SLC4A5: variants seen among roughly 807,000 people sequenced by gnomAD.
The protein encoded by SLC4A5 is solute carrier family 4 member 5, also known as electrogenic sodium bicarbonate cotransporter 4.
Under a neutral mutation model 120.4 loss-of-function variants are expected in SLC4A5, and 96 were observed. The observed-to-expected ratio is 0.80, with a 90% CI of 0.68 to 0.94. The LOEUF (loss-of-function observed/expected upper bound fraction) is 0.94. Among genes scored for constraint, SLC4A5 ranks in the 40% least tolerant of loss-of-function variants. The pLI is 0.00. For synonymous variants in SLC4A5, 550 were observed against 571.1 expected, an observed-to-expected ratio of 0.96 and a Z score of 0.53; for missense variants, 1,259 against 1,459.5, an observed-to-expected ratio of 0.86 and a Z score of 2.24.
rs774865142 is a variant in SLC4A5 at position 74,258,739 on chromosome 2, G to C, written c.867+849C>G. Among the ~76,000 whole-genome samples, 49 of 152,242 alleles carry C rather than the reference G, an allele frequency of 3.2e-4. 1 individual carries two copies. Among genetic ancestry groups the C allele is most frequent in the Non-Finnish European group, 2.6e-4 (18 of 68,040 alleles). ...CACAGAAAATGCCTGGCACAGTGTA[G>C]TGCATGTGGTGTGGAGCTTAAATAT... On this transcript the variant is annotated intron_variant, in intron 12 of 30. Coordinates refer to ENST00000394019, the Ensembl canonical transcript of SLC4A5.
intron 7 of SLC4A5, among the ~76,000 whole-genome samples, chr2:74,287,427 C>G (rs1486794980): frequency 6.6e-6 from 1 of 152,126 alleles, no homozygotes; most frequent in Non-Finnish European, 1.5e-5. Flanking sequence ...CACAAGCGAA[C>G]TCAGTTGAGT....
rs58141033 is a variant in SLC4A5 at position 74,219,176 on chromosome 2, G to GGTGTGTGT, written c.*34-392_*34-385dup. Among the ~76,000 whole-genome samples the GGTGTGTGT allele has an allele frequency of 1.1e-3, 145 of 134,304 alleles. No individual in the cohort carries two copies. In the East Asian group the frequency reaches 0.015, roughly 14 times the overall value. 88.1% of individuals were successfully genotyped at this position (134,304 alleles called of 152,430 possible). A position where few individuals can be genotyped will look rare whatever the true frequency, so the allele number is the denominator to read the frequency against. ...ATTGCAGTGTTCTTTGCTCTTTGGA[G>GGTGTGTGT]GTGTGTGTGTGTGTGTGTGTGTGTG... On this transcript the variant is annotated intron_variant, in intron 30 of 30. Coordinates refer to ENST00000394019, the Ensembl canonical transcript of SLC4A5.
intron 8 of SLC4A5, 136 bp downstream of exon 8, chr2:74,285,637 A>C: frequency 1.0e-6 from 1 of 982,836 alleles, no homozygotes; most frequent in Non-Finnish European, 1.5e-6. Context: ...CTGGACACCA[A>C]GGAAGGCAGC....
intron 30 of SLC4A5, among the ~76,000 whole-genome samples, chr2:74,219,802 C>T (rs1694566281): frequency 6.6e-6 from 1 of 152,128 alleles, no homozygotes; most frequent in African/African-American, 2.4e-5. Flanking sequence ...AGATCAATGG[C>T]ATCACATATA....
At chr2:74,295,926 C>A (rs1448609287) in intron 7 of SLC4A5, among the ~76,000 whole-genome samples, 1 of 152,188 alleles carries the variant, frequency 6.6e-6, no homozygotes, top group East Asian at 1.9e-4. Context: ...AATTCACAGA[C>A]ATTTAAGCAA....
intron 21 of SLC4A5, among the ~76,000 whole-genome samples, chr2:74,238,488 C>T (rs566613287): frequency 6.6e-6 from 1 of 151,942 alleles, no homozygotes; most frequent in Non-Finnish European, 1.5e-5. Flanking sequence ...TTATAAGCTA[C>T]AGAAATGAAG....
intron 7 of SLC4A5, among the ~76,000 whole-genome samples, chr2:74,293,873 A>G (rs572789356): frequency 9.9e-5 from 15 of 152,272 alleles, no homozygotes; most frequent in South Asian, 2.1e-4. Context: ...CTTGAAAACC[A>G]TAAGTGTAAA....
intron 29 of SLC4A5, 86 bp downstream of exon 29, chr2:74,222,782 C>A (rs986776472): frequency 4.2e-6 from 5 of 1,191,234 alleles, no homozygotes; most frequent in South Asian, 1.3e-5. Context: ...ATGATTAGAT[C>A]CCCCTGAGTT....
chr2:74,254,019 G>C (rs1342979438), intron 14 of SLC4A5, among the ~76,000 whole-genome samples: 1 of 152,174 alleles, frequency 6.6e-6, no homozygotes, highest in Non-Finnish European at 1.5e-5. Flanking sequence ...ATAAAAGTGA[G>C]ACATTTCGTG....
intron 8 of SLC4A5, among the ~76,000 whole-genome samples, chr2:74,266,715 C>A (rs1671313731): frequency 6.6e-6 from 1 of 152,018 alleles, no homozygotes; most frequent in Non-Finnish European, 1.5e-5. Flanking sequence ...AGCAAAAATG[C>A]AAATATACTA....
chr2:74,262,281 A>G (rs759602143), intron 10 of SLC4A5, 49 bp from the exon 11 acceptor site: 1 of 1,530,692 alleles, frequency 6.5e-7, no homozygotes, highest in Non-Finnish European at 9.0e-7. Flanking sequence ...TTGCTGGTGT[A>G]GCGAAGCCTC....
At chr2:74,301,180 C>T (rs1672467053) in intron 7 of SLC4A5, among the ~76,000 whole-genome samples, 1 of 152,052 alleles carries the variant, frequency 6.6e-6, no homozygotes, top group Non-Finnish European at 1.5e-5. Context: ...AGCTACCTGG[C>T]CTTTGTTTCA....
intron 5 of SLC4A5, 46 bp from the exon 6 acceptor site, chr2:74,315,071 G>C: frequency 6.7e-7 from 1 of 1,490,764 alleles, no homozygotes; most frequent in Non-Finnish European, 9.4e-7. Flanking sequence ...ACATTAAAAA[G>C]GGTAGGATTT....
chr2:74,256,908 G>A (rs1670983358), intron 12 of SLC4A5, among the ~76,000 whole-genome samples: 1 of 152,172 alleles, frequency 6.6e-6, no homozygotes, highest in Non-Finnish European at 1.5e-5. Context: ...GACACAGTGG[G>A]AAAGCGCCTG....
intron 2 of SLC4A5, among the ~76,000 whole-genome samples, chr2:74,341,213 G>A (rs1332733157): frequency 6.6e-6 from 1 of 150,698 alleles, no homozygotes; most frequent in Non-Finnish European, 1.5e-5. Context: ...GCTGAGGCAG[G>A]AGAATCGCTT....
chr2:74,301,415 C>G, intron 7 of SLC4A5, among the ~76,000 whole-genome samples: 1 of 152,172 alleles, frequency 6.6e-6, no homozygotes, highest in Non-Finnish European at 1.5e-5. Context: ...CCTGCCTGGC[C>G]CAGGCCCCTC....
intron 8 of SLC4A5, among the ~76,000 whole-genome samples, chr2:74,283,838 C>CTT (rs1215361312): frequency 1.6e-4 from 22 of 139,238 alleles, no homozygotes; most frequent in Admixed American, 3.6e-4. Flanking sequence ...AATCTTATTC[C>CTT]TTTTTTTTTT....
In SLC4A5 at chr2:74,239,324, G is replaced by A; in HGVS notation, c.2319+11C>T. On this transcript the variant is annotated intron_variant, in intron 21 of 30. Coordinates refer to ENST00000394019, the Ensembl canonical transcript of SLC4A5. ...ACTGCAGGTCCCCTCCTAACTGCAG[G>A]GTGAGCTTACCTTGGTAGGAAAATA... The A allele has an allele frequency of 6.2e-7, 1 of 1,613,802 alleles. No homozygotes were observed. The highest frequency in any genetic ancestry group is 8.5e-7 in the Non-Finnish European group (1 of 1,179,714).
chr2:74,331,719 T>C (rs1324531883), intron 4 of SLC4A5, among the ~76,000 whole-genome samples: 1 of 152,066 alleles, frequency 6.6e-6, no homozygotes, highest in East Asian at 1.9e-4. Flanking sequence ...CCAAGCACTT[T>C]TGCCTCACCT....
Sources: allele counts gnomAD v4.1 joint callset (sites outside exome capture counted in the v4.1 genomes callset), GRCh38; gene constraint gnomAD v4.1.1; transcripts MANE v1.5; gene names NCBI Gene and HGNC (gene_info 2026-07-23, HGNC 2026-07-21).